Variants in SGCZ observed in about 807,000 individuals in gnomAD.
SGCZ encodes sarcoglycan zeta.
A neutral mutation model predicts 41.3 loss-of-function variants in SGCZ; 40 were observed. The ratio of observed to expected loss-of-function variants is 0.97; its 90% CI spans 0.75 to 1.26. SGCZ has a LOEUF of 1.26. Among genes scored for constraint, SGCZ ranks in the 50% most tolerant of loss-of-function variants. SGCZ has a pLI of 0.00. For synonymous variants in SGCZ, 206 were observed against 137.5 expected (o/e 1.50, Z -3.49); for missense variants, 552 against 369.8 (o/e 1.49, Z -4.04).
chr8:14,624,655 C>A (rs185777374), intron 1 of SGCZ, among the ~76,000 whole-genome samples: 13 of 148,146 alleles, frequency 8.8e-5, no homozygotes, highest in Admixed American at 2.0e-4. Flanking sequence ...ACTGAAACCT[C>A]CGCCTCCCGG....
At chr8:14,540,561 T>A (rs1803434347) in intron 2 of SGCZ, among the ~76,000 whole-genome samples, 1 of 151,918 alleles carries the variant, frequency 6.6e-6, no homozygotes, top group African/African-American at 2.4e-5. Context: ...ATTTCTGTCT[T>A]ATTTATTTAA....
chr8:14,926,979 T>A (rs1459751555), intron 1 of SGCZ, among the ~76,000 whole-genome samples: 1 of 151,950 alleles, frequency 6.6e-6, no homozygotes, highest in Non-Finnish European at 1.5e-5. Context: ...CAAAAGTCTT[T>A]CCTTACATTT....
At chr8:14,299,194 A>G (rs1233874673) in intron 3 of SGCZ, among the ~76,000 whole-genome samples, 2 of 152,052 alleles carry the variant, frequency 1.3e-5, no homozygotes, top group African/African-American at 4.8e-5. Context: ...ATAGGCCTCT[A>G]CATAAAAGAT....
chr8:14,510,449 A>T (rs1204276930), intron 2 of SGCZ, among the ~76,000 whole-genome samples: 1 of 152,148 alleles, frequency 6.6e-6, no homozygotes, highest in Non-Finnish European at 1.5e-5. Flanking sequence ...TGTAGAAAAA[A>T]AAAACAAAGA....
intron 2 of SGCZ, among the ~76,000 whole-genome samples, chr8:14,514,805 GTGTGTGTGTA>G (rs142259477): frequency 0.073 from 5,223 of 71,994 alleles, 300 homozygotes; most frequent in African/African-American, 0.2. Flanking sequence ...GTGTGTGTGT[GTGTGTGTGTA>G]TATATACACG....
chr8:14,479,928 A>C (rs900796886), intron 2 of SGCZ, among the ~76,000 whole-genome samples: 2 of 149,292 alleles, frequency 1.3e-5, no homozygotes, highest in Non-Finnish European at 3.0e-5. Context: ...TATTTTTAGT[A>C]AAGATAGAGT....
intron 1 of SGCZ, among the ~76,000 whole-genome samples, chr8:14,686,406 A>G (rs779484939): frequency 3.4e-4 from 52 of 152,300 alleles, no homozygotes; most frequent in Non-Finnish European, 5.6e-4. Context: ...GAAACATAGC[A>G]AGAACAATTA....
intron 1 of SGCZ, among the ~76,000 whole-genome samples, chr8:14,784,988 T>TTA (rs560307940): frequency 1.5e-4 from 22 of 142,516 alleles, no homozygotes; most frequent in South Asian, 1.5e-3. Context: ...TTTTTATATA[T>TTA]TATATATATA....
intron 1 of SGCZ, among the ~76,000 whole-genome samples, chr8:14,656,530 C>G (rs1272820626): frequency 7.0e-6 from 1 of 142,292 alleles, no homozygotes; most frequent in Non-Finnish European, 1.5e-5. Context: ...TCTTTTCTTT[C>G]TTTTTTCTTT....
chr8:15,143,500 A>C (rs1038155838), intron 1 of SGCZ, among the ~76,000 whole-genome samples: 2 of 152,236 alleles, frequency 1.3e-5, no homozygotes, highest in South Asian at 4.1e-4. Flanking sequence ...CAGTTTTCCA[A>C]AGTGTTTTGA....
At chr8:14,134,204 G>C (rs1232330380) in intron 5 of SGCZ, among the ~76,000 whole-genome samples, 1 of 151,992 alleles carries the variant, frequency 6.6e-6, no homozygotes, top group Non-Finnish European at 1.5e-5. Flanking sequence ...ATTTTCACTA[G>C]GCACAATTAG....
At chr8:14,341,100 C>T (rs1271246921) in intron 2 of SGCZ, among the ~76,000 whole-genome samples, 1 of 152,136 alleles carries the variant, frequency 6.6e-6, no homozygotes, top group Non-Finnish European at 1.5e-5. Context: ...TAGCATGTGT[C>T]AAAATTTCCT....
intron 1 of SGCZ, among the ~76,000 whole-genome samples, chr8:14,898,194 C>T (rs774400012): frequency 3.0e-4 from 45 of 152,216 alleles, no homozygotes; most frequent in Non-Finnish European, 5.0e-4. Context: ...AAGAGATCCT[C>T]CCACCTCAAC....
At chr8:14,858,810 T>C (rs1803627644) in intron 1 of SGCZ, among the ~76,000 whole-genome samples, 1 of 152,164 alleles carries the variant, frequency 6.6e-6, no homozygotes, top group South Asian at 2.1e-4. Flanking sequence ...AATGTCCGCT[T>C]TGTTAAATGC....
chr8:14,880,147 AT>A (rs1804533285), intron 1 of SGCZ, among the ~76,000 whole-genome samples: 3 of 152,122 alleles, frequency 2.0e-5, no homozygotes, highest in South Asian at 2.1e-4. Flanking sequence ...GGCCCAAAAA[AT>A]CTGCATTTAA....
intron 1 of SGCZ, among the ~76,000 whole-genome samples, chr8:14,825,767 T>A (rs1027595542): frequency 6.6e-6 from 1 of 152,136 alleles, no homozygotes; most frequent in East Asian, 1.9e-4. Flanking sequence ...GAAATCAACT[T>A]TTTAAGATTC....
chr8:14,217,773 G>T (rs1414152257), intron 4 of SGCZ, among the ~76,000 whole-genome samples: 1 of 151,466 alleles, frequency 6.6e-6, no homozygotes, highest in Non-Finnish European at 1.5e-5. Flanking sequence ...GCGATTACAG[G>T]TGAACACCAC....
chr8:14,758,891 T>C (rs565742212), intron 1 of SGCZ, among the ~76,000 whole-genome samples: 98 of 151,546 alleles, frequency 6.5e-4, no homozygotes, highest in Non-Finnish European at 1.1e-3. Context: ...GCCTGTCATC[T>C]CAGCTACTTG....
intron 6 of SGCZ, among the ~76,000 whole-genome samples, 165 bp from the exon 7 acceptor site, chr8:14,102,664 A>G (rs1416157307): frequency 6.6e-6 from 1 of 152,210 alleles, no homozygotes; most frequent in Non-Finnish European, 1.5e-5. Context: ...AGCCAGAATG[A>G]GTTTCAGAAC....
Sources: allele counts gnomAD v4.1 joint callset (sites outside exome capture counted in the v4.1 genomes callset), GRCh38; gene constraint gnomAD v4.1.1; transcripts MANE v1.5; gene names NCBI Gene and HGNC (gene_info 2026-07-23, HGNC 2026-07-21).